The following ERC2 variants were observed in gnomAD, a reference collection of about 807,000 sequenced individuals.
ERC2 encodes ERC protein 2.
ERC2 carries 42 observed loss-of-function variants against 114.8 expected under a neutral mutation model. The observed-to-expected ratio is 0.37, with a 90% CI of 0.29 to 0.47. The LOEUF is 0.47. ERC2 is among the 20% of genes least tolerant of loss of function. The pLI, the probability that ERC2 is intolerant of heterozygous loss-of-function variation, is 0.99. For synonymous variants in ERC2, 454 were observed against 425.5 expected (o/e 1.07, Z -0.82); for missense variants, 939 against 1,150.7 (o/e 0.82, Z 2.66).
intron 14 of ERC2, among the ~76,000 whole-genome samples, chr3:55,738,794 T>G (rs1473600847): frequency 6.6e-6 from 1 of 152,178 alleles, no homozygotes. Context: ...TAAGTTCTGG[T>G]GCACATGTGC....
chr3:55,826,530 G>A (rs1349102992), intron 14 of ERC2, among the ~76,000 whole-genome samples: 2 of 152,196 alleles, frequency 1.3e-5, no homozygotes, highest in Admixed American at 6.5e-5. Context: ...AGGTTAAAAC[G>A]TGAACTAGTT....
intron 2 of ERC2, among the ~76,000 whole-genome samples, chr3:56,346,204 G>T (rs1276075005): frequency 6.6e-6 from 1 of 152,142 alleles, no homozygotes; most frequent in Non-Finnish European, 1.5e-5. Context: ...TAAAAGAGCT[G>T]CCCTTTATGA....
At chr3:55,822,995 A>G (rs1341948835) in intron 14 of ERC2, among the ~76,000 whole-genome samples, 1 of 152,142 alleles carries the variant, frequency 6.6e-6, no homozygotes, top group Admixed American at 6.5e-5. Flanking sequence ...CCAATCACAC[A>G]TGGCTTTGCC....
intron 3 of ERC2, among the ~76,000 whole-genome samples, chr3:56,293,384 G>A (rs774057695): frequency 1.3e-5 from 2 of 152,166 alleles, no homozygotes; most frequent in Non-Finnish European, 2.9e-5. Flanking sequence ...AATGGGCAAG[G>A]GAATGGGGAA....
At chr3:55,703,358 C>T (rs1159629155) in intron 15 of ERC2, among the ~76,000 whole-genome samples, 1 of 152,234 alleles carries the variant, frequency 6.6e-6, no homozygotes, top group East Asian at 1.9e-4. Context: ...CTCGGTCCTG[C>T]TCTTCATGCT....
chr3:56,385,179 A>C (rs1283615549), intron 2 of ERC2, among the ~76,000 whole-genome samples: 1 of 151,896 alleles, frequency 6.6e-6, no homozygotes, highest in African/African-American at 2.4e-5. Context: ...TATTTCTTAT[A>C]GTTCTGGAAG....
chr3:56,043,486 G>C (rs1165946359), intron 7 of ERC2, among the ~76,000 whole-genome samples: 2 of 151,018 alleles, frequency 1.3e-5, no homozygotes, highest in Non-Finnish European at 2.9e-5. Context: ...TCTGACATCA[G>C]AAAAATTGGA....
intron 1 of ERC2, among the ~76,000 whole-genome samples, chr3:56,448,509 G>A (rs561118190): frequency 4.6e-5 from 7 of 152,100 alleles, no homozygotes; most frequent in African/African-American, 1.2e-4. Flanking sequence ...CCACACCTCC[G>A]CCAACACCCT....
chr3:56,083,949 T>C (rs369558168), intron 6 of ERC2, among the ~76,000 whole-genome samples: 3 of 151,306 alleles, frequency 2.0e-5, no homozygotes, highest in African/African-American at 7.3e-5. Context: ...TTGCTGCATC[T>C]CATAACAAAA....
chr3:55,952,177 ACACTCTCTCTCTCTCTCT>A (rs2067606674), intron 12 of ERC2, among the ~76,000 whole-genome samples: 4 of 38,704 alleles, frequency 1.0e-4, no homozygotes, highest in Admixed American at 2.7e-4. Flanking sequence ...ACACACACAC[ACACTCTCTCTCTCTCTCT>A]CTCTATATAT....
At chr3:56,358,532 C>T (rs1340792200) in intron 2 of ERC2, among the ~76,000 whole-genome samples, 2 of 152,210 alleles carry the variant, frequency 1.3e-5, no homozygotes, top group East Asian at 1.9e-4. Flanking sequence ...CTTACATAGT[C>T]AGTGTGGTAC....
intron 2 of ERC2, among the ~76,000 whole-genome samples, chr3:56,383,364 C>T (rs1269134815): frequency 3.3e-5 from 5 of 152,170 alleles, no homozygotes; most frequent in Non-Finnish European, 7.3e-5. Context: ...CCTTCTAATC[C>T]TGTTTCAGAC....
intron 2 of ERC2, among the ~76,000 whole-genome samples, chr3:56,428,499 C>T (rs1025658121): frequency 1.6e-5 from 2 of 123,148 alleles, no homozygotes; most frequent in Middle Eastern, 5.4e-3. Context: ...CCAGCCTGGG[C>T]AGCAGAGTGA....
intron 14 of ERC2, among the ~76,000 whole-genome samples, chr3:55,857,678 T>A (rs1039420199): frequency 1.3e-5 from 2 of 152,140 alleles, no homozygotes; most frequent in South Asian, 4.1e-4. Flanking sequence ...GGGTAAATGA[T>A]GATGATTACA....
intron 14 of ERC2, among the ~76,000 whole-genome samples, chr3:55,807,046 G>A (rs537623900): frequency 6.6e-6 from 1 of 152,230 alleles, no homozygotes; most frequent in Admixed American, 6.5e-5. Flanking sequence ...GCTCCAAGAA[G>A]GATCATCTAC....
rs377494552 is a variant in ERC2 at position 55,714,823 on chromosome 3, A to G, written c.2713-15311T>C. ...CCTTTCTATATTATTTAAATATTCA[A>G]TCAGGTACAAGAAATAATAAAACAA... On this transcript the variant is annotated intron_variant, in intron 15 of 17. Coordinates refer to ENST00000288221, the MANE Select transcript of ERC2 (RefSeq NM_015576.3). Among the ~76,000 whole-genome samples, 3 of 143,186 alleles carry G rather than the reference A, an allele frequency of 2.1e-5. No homozygotes were observed. In the South Asian group the frequency reaches 7.2e-4, roughly 34 times the overall value. 93.9% of individuals were successfully genotyped at this position (143,186 alleles called of 152,430 possible). A position where few individuals can be genotyped will look rare whatever the true frequency, so the allele number is the denominator to read the frequency against.
At chr3:56,281,121 T>C (rs2054308940) in intron 3 of ERC2, among the ~76,000 whole-genome samples, 1 of 152,198 alleles carries the variant, frequency 6.6e-6, no homozygotes, top group Admixed American at 6.5e-5. Flanking sequence ...ATCGAATACT[T>C]CATTTGCTAT....
chr3:55,641,963 C>T (rs960055588), intron 17 of ERC2, among the ~76,000 whole-genome samples: 5 of 152,224 alleles, frequency 3.3e-5, no homozygotes, highest in African/African-American at 9.6e-5. Context: ...ATTACTTCCA[C>T]TCAAATTCTA....
intron 3 of ERC2, among the ~76,000 whole-genome samples, chr3:56,281,344 G>A (rs890286437): frequency 7.4e-6 from 1 of 135,792 alleles, no homozygotes; most frequent in Non-Finnish European, 1.6e-5. Context: ...GGCTGAGGCA[G>A]GAGAATGGCG....
Sources: gnomAD v4.1 joint callset for allele counts (sites outside exome capture counted in the v4.1 genomes callset) on GRCh38, gnomAD v4.1.1 for gene constraint, MANE v1.5 for transcripts, NCBI Gene and HGNC (gene_info 2026-07-23, HGNC 2026-07-21) for gene names.